The following KAZN variants were observed in gnomAD, a reference collection of about 807,000 sequenced individuals.
KAZN encodes kazrin.
KAZN carries 40 observed loss-of-function variants against 87.4 expected under a neutral mutation model. The ratio of observed to expected loss-of-function variants is 0.46; its 90% CI spans 0.36 to 0.60. KAZN has a LOEUF of 0.60. Among genes scored for constraint, KAZN ranks in the 20% least tolerant of loss-of-function variants. The pLI is 0.00. For missense variants in KAZN, 898 were observed against 1,073.9 expected, an observed-to-expected ratio of 0.84 and a Z score of 2.29; for synonymous variants, 466 against 458.3, an observed-to-expected ratio of 1.02 and a Z score of -0.22.
At chr1:14,557,441 C>T (rs1009397977) in intron 2 of KAZN, among the ~76,000 whole-genome samples, 2 of 151,778 alleles carry the variant, frequency 1.3e-5, no homozygotes, top group East Asian at 1.9e-4. Flanking sequence ...GAGAGAATGG[C>T]GTAGGTGTCA....
At chr1:14,408,467 G>A (rs1354458851) in intron 2 of KAZN, among the ~76,000 whole-genome samples, 7 of 152,196 alleles carry the variant, frequency 4.6e-5, no homozygotes, top group African/African-American at 1.7e-4. Flanking sequence ...AGGCTGGGTG[G>A]TTTAAACAAC....
chr1:14,260,292 A>G (rs1168382210), intron 2 of KAZN, among the ~76,000 whole-genome samples: 1 of 152,146 alleles, frequency 6.6e-6, no homozygotes, highest in Non-Finnish European at 1.5e-5. Context: ...AACAAGTAAA[A>G]CCTGCGGAAT....
chr1:14,013,259 T>C (rs1640404763), intron 1 of KAZN, among the ~76,000 whole-genome samples: 1 of 152,188 alleles, frequency 6.6e-6, no homozygotes. Context: ...GAGTACCCTG[T>C]AAACTATTTT....
At chr1:13,960,375 G>A (rs937393057) in intron 1 of KAZN, among the ~76,000 whole-genome samples, 2 of 152,258 alleles carry the variant, frequency 1.3e-5, no homozygotes, top group South Asian at 4.1e-4. Context: ...AGAGCCGATC[G>A]TTTGATTGTA....
intron 1 of KAZN, among the ~76,000 whole-genome samples, chr1:14,613,438 A>G (rs763486477): frequency 6.6e-6 from 1 of 152,238 alleles, no homozygotes; most frequent in Non-Finnish European, 1.5e-5. Flanking sequence ...ACCACAAGTT[A>G]ACATCTGGAT....
intron 1 of KAZN, among the ~76,000 whole-genome samples, chr1:14,926,915 G>A (rs1453720542): frequency 6.6e-6 from 1 of 152,168 alleles, no homozygotes; most frequent in Non-Finnish European, 1.5e-5. Flanking sequence ...AAGATAGAGG[G>A]GGATGCTGGC....
At chr1:14,858,198 T>C (rs968443188) in intron 1 of KAZN, among the ~76,000 whole-genome samples, 1 of 123,960 alleles carries the variant, frequency 8.1e-6, no homozygotes, top group Non-Finnish European at 1.6e-5. Flanking sequence ...CTTTTTTTCT[T>C]TTTTCTTTTT....
intron 1 of KAZN, among the ~76,000 whole-genome samples, chr1:14,676,127 T>C (rs1640204707): frequency 6.6e-6 from 1 of 152,216 alleles, no homozygotes; most frequent in Admixed American, 6.5e-5. Context: ...CCTGGTTTTT[T>C]TTCCGGTTTG....
At position 14,996,688 on chromosome 1, in the gene KAZN, C is replaced by T. The variant is rs1667896890; in HGVS notation, c.418+35813C>T. Among the ~76,000 whole-genome samples the T allele has an allele frequency of 6.6e-6, 1 of 152,180 alleles. No homozygotes were observed. Among genetic ancestry groups the T allele is most frequent in the Non-Finnish European group, 1.5e-5 (1 of 68,028 alleles). ...CCCTGTGTCCCCTACATTCTCTACGCACGACCGAGGGCCATTCTTCCCTCA... is the reference window on the plus strand; with the variant it reads ...CCCTGTGTCCCCTACATTCTCTACGTACGACCGAGGGCCATTCTTCCCTCA... On this transcript the variant is annotated intron_variant, in intron 2 of 14. Transcript: ENST00000376030. This position sits in a 1 kb window ranked among gnomAD's most constrained non-coding sequence, Gnocchi z 5.9.
intron 2 of KAZN, among the ~76,000 whole-genome samples, chr1:14,548,286 C>T (rs1673294744): frequency 2.0e-5 from 3 of 151,274 alleles, no homozygotes; most frequent in Admixed American, 2.0e-4. Flanking sequence ...GCAACCACTG[C>T]CTCCTGGGTT....
intron 1 of KAZN, among the ~76,000 whole-genome samples, chr1:14,829,993 A>G (rs779456302): frequency 1.3e-5 from 2 of 152,240 alleles, no homozygotes; most frequent in Non-Finnish European, 2.9e-5. Context: ...CTTTGTGGCT[A>G]TAGTAATCAG....
At chr1:14,672,196 T>C (rs977706235) in intron 1 of KAZN, among the ~76,000 whole-genome samples, 1 of 152,176 alleles carries the variant, frequency 6.6e-6, no homozygotes, top group African/African-American at 2.4e-5. Flanking sequence ...ACCTCTGAGC[T>C]CATTTGCATT....
chr1:14,620,417 A>G (rs1678600309), intron 1 of KAZN, among the ~76,000 whole-genome samples: 1 of 152,162 alleles, frequency 6.6e-6, no homozygotes, highest in Non-Finnish European at 1.5e-5. Context: ...TATAATTATC[A>G]CCGTTGTTAT....
chr1:14,848,927 C>T (rs561912020), intron 1 of KAZN, among the ~76,000 whole-genome samples: 1 of 152,250 alleles, frequency 6.6e-6, no homozygotes, highest in East Asian at 1.9e-4. Context: ...GGCCCAAGTG[C>T]ATGGAGCGGG....
chr1:14,067,286 C>T (rs1472487880), intron 1 of KAZN, among the ~76,000 whole-genome samples: 1 of 152,140 alleles, frequency 6.6e-6, no homozygotes, highest in Non-Finnish European at 1.5e-5. Context: ...CATGTTCTTC[C>T]CCTTTGCTGG....
At chr1:13,960,638 A>C (rs1478005894) in intron 1 of KAZN, among the ~76,000 whole-genome samples, 1 of 152,160 alleles carries the variant, frequency 6.6e-6, no homozygotes, top group African/African-American at 2.4e-5. Flanking sequence ...AAACCTCAGG[A>C]TGATTTCCCA....
chr1:14,420,451 CG>C (rs923815424), intron 2 of KAZN, among the ~76,000 whole-genome samples: 1 of 152,176 alleles, frequency 6.6e-6, no homozygotes, highest in African/African-American at 2.4e-5. Flanking sequence ...ACCGGAGCCA[CG>C]GGGGGAGCTG....
chr1:13,942,226 A>T (rs6656830), intron 1 of KAZN, among the ~76,000 whole-genome samples: 84,004 of 151,904 alleles, frequency 0.55, 23,511 homozygotes, highest in Admixed American at 0.67. Flanking sequence ...AAAGCAGAAC[A>T]AATTTTTTTT....
At chr1:14,954,173 G>T (rs1035796442) in intron 1 of KAZN, among the ~76,000 whole-genome samples, 1 of 152,184 alleles carries the variant, frequency 6.6e-6, no homozygotes, top group East Asian at 1.9e-4. Context: ...GGTAACAGTT[G>T]GCTCCCTGGG....
Sources: gnomAD v4.1 joint callset for allele counts (sites outside exome capture counted in the v4.1 genomes callset) on GRCh38, gnomAD v4.1.1 for gene constraint, Gnocchi (gnomAD v3.1) non-coding constraint, MANE v1.5 for transcripts, NCBI Gene and HGNC (gene_info 2026-07-23, HGNC 2026-07-21) for gene names.